Variants in LIPJ observed in about 807,000 individuals in gnomAD.
The protein encoded by LIPJ is lipase member J.
LIPJ carries 33 observed loss-of-function variants against 39.8 expected under a neutral mutation model. The observed-to-expected ratio is 0.83, with a 90% CI of 0.63 to 1.11. LIPJ has a LOEUF of 1.11. Among genes scored for constraint, LIPJ ranks in the 50% least tolerant of loss-of-function variants. The pLI is 0.00. For missense variants in LIPJ, 422 were observed against 427.9 expected (o/e 0.99, Z 0.12); for synonymous variants, 128 against 139.2 (o/e 0.92, Z 0.57).
At chr10:88,593,274 C>T (rs1340119060) in intron 4 of LIPJ, 1 of 151,698 alleles carries the variant, frequency 6.6e-6, no homozygotes, top group Non-Finnish European at 1.5e-5. Flanking sequence ...AGACCAGGGC[C>T]TCTAGATATG....
intron 8 of LIPJ, among the ~76,000 whole-genome samples, chr10:88,601,611 G>T (rs1456989085): frequency 6.6e-6 from 1 of 152,134 alleles, no homozygotes; most frequent in Non-Finnish European, 1.5e-5. Flanking sequence ...TGGGATTAAT[G>T]AAAGGTTTGC....
In LIPJ at chr10:88,596,769, TA is replaced by T; in HGVS notation, c.577-17del. 6.3e-7 allele frequency: 1 copy of T among 1,587,312 alleles called. No homozygotes were observed. The highest frequency in any genetic ancestry group is 8.6e-7 in the Non-Finnish European group (1 of 1,163,876). On this transcript the variant is annotated intron_variant, in intron 7 of 10. Transcript: ENST00000371939. Reference sequence around the variant, plus strand: ...CTTATTGTGGTCATCCAAATGTGGATAAAATAAATTTATTTTACAGGCTTTT... The same window carrying T: ...CTTATTGTGGTCATCCAAATGTGGATAAATAAATTTATTTTACAGGCTTTT...
At chr10:88,589,355 A>C (rs1466354172) in intron 2 of LIPJ, among the ~76,000 whole-genome samples, 1 of 151,890 alleles carries the variant, frequency 6.6e-6, no homozygotes, top group East Asian at 1.9e-4. Flanking sequence ...GGAATATCTA[A>C]ATGTGATTCC....
At chr10:88,621,835 G>A in the LIPJ span, among the ~76,000 whole-genome samples, 1 of 152,154 alleles carries the variant, frequency 6.6e-6, no homozygotes, top group African/African-American at 2.4e-5. Context: ...GAGAGCAGAG[G>A]TAAACATGTA....
chr10:88,585,621 G>A (rs576912633), upstream of LIPJ: 1 of 152,006 alleles, frequency 6.6e-6, no homozygotes, highest in Non-Finnish European at 1.5e-5. Context: ...TTGAGTTCAA[G>A]CCATTAGGTT....
chr10:88,600,570 T>C (rs989250442), intron 8 of LIPJ, among the ~76,000 whole-genome samples: 7 of 152,250 alleles, frequency 4.6e-5, no homozygotes, highest in Non-Finnish European at 8.8e-5. Flanking sequence ...AAGCTTTTGC[T>C]AACTCTAATG....
chr10:88,583,467 C>A, upstream of LIPJ: 1 of 1,313,130 alleles, frequency 7.6e-7, no homozygotes, highest in Non-Finnish European at 9.7e-7. Flanking sequence ...GCCCCTCGCC[C>A]AGAAAAGCCT....
exon 6 of LIPJ, chr10:88,594,689 G>A: frequency 6.5e-7 from 1 of 1,534,826 alleles, no homozygotes; most frequent in South Asian, 1.3e-5. Flanking sequence ...GGCAAAATAT[G>A]ACCTTCCAGC....
At chr10:88,595,622 G>A (rs940817743) in intron 6 of LIPJ, among the ~76,000 whole-genome samples, 2 of 151,518 alleles carry the variant, frequency 1.3e-5, no homozygotes, top group African/African-American at 4.8e-5. Flanking sequence ...AAAAAAAAGT[G>A]AGTAATGAGT....
the LIPJ span, among the ~76,000 whole-genome samples, chr10:88,618,010 A>G: frequency 1.3e-5 from 2 of 152,216 alleles, no homozygotes; most frequent in Admixed American, 1.3e-4. Flanking sequence ...TTCAGTTGTC[A>G]CATATGAGAA....
At chr10:88,584,905 C>G (rs561117891), upstream of LIPJ, among the ~76,000 whole-genome samples, 1 of 152,206 alleles carries the variant, frequency 6.6e-6, no homozygotes, top group South Asian at 2.1e-4. Flanking sequence ...TGGAAGTGTA[C>G]TAGACAAATT....
chr10:88,596,417 G>A lies in LIPJ; in HGVS notation c.576+1G>A. Reference sequence around the variant, plus strand: ...ATACAAATGGAAGTCAATAGTCATGGTATGTTCTACCTTTATTTTATGTCA... The same window carrying A: ...ATACAAATGGAAGTCAATAGTCATGATATGTTCTACCTTTATTTTATGTCA... On this transcript the variant is annotated splice_donor_variant, in intron 7 of 10. Coordinates refer to ENST00000371939, the Ensembl canonical transcript of LIPJ. LOFTEE classifies it high-confidence loss of function. 1 of 1,519,238 alleles carries A rather than the reference G, an allele frequency of 6.6e-7. No individual in the cohort carries two copies. Among genetic ancestry groups the A allele is most frequent in the Non-Finnish European group, 8.8e-7 (1 of 1,135,446 alleles). 94.1% of individuals were successfully genotyped at this position (1,519,238 alleles called of 1,614,324 possible). A position where few individuals can be genotyped will look rare whatever the true frequency, so the allele number is the denominator to read the frequency against.
chr10:88,597,040 C>T, intron 8 of LIPJ, 104 bp downstream of exon 8: 1 of 637,776 alleles, frequency 1.6e-6, no homozygotes, highest in Non-Finnish European at 2.6e-6. Context: ...GTTTCATCCA[C>T]ATACACTAGT....
downstream of LIPJ, among the ~76,000 whole-genome samples, chr10:88,611,197 C>A (rs1203031187): frequency 3.3e-5 from 5 of 152,328 alleles, no homozygotes; most frequent in South Asian, 1.0e-3. Flanking sequence ...CAGGAAGCCC[C>A]ATTCCCAGGG....
chr10:88,587,120 C>A (rs1376402366), intron 1 of LIPJ, 146 bp from the exon 2 acceptor site: 1 of 151,864 alleles, frequency 6.6e-6, no homozygotes, highest in African/African-American at 2.4e-5. Context: ...GAAACTATCA[C>A]TAACAACCTC....
chr10:88,611,837 C>T (rs1851756169), downstream of LIPJ, among the ~76,000 whole-genome samples: 1 of 152,188 alleles, frequency 6.6e-6, no homozygotes, highest in Non-Finnish European at 1.5e-5. Context: ...GTTTGGAAAA[C>T]ATATTTGGGG....
intron 8 of LIPJ, among the ~76,000 whole-genome samples, chr10:88,599,349 C>T (rs1018196992): frequency 2.0e-5 from 3 of 151,964 alleles, no homozygotes; most frequent in South Asian, 2.1e-4. Flanking sequence ...CCATCCTGTA[C>T]ATTAAATCCT....
At chr10:88,619,973 A>T in the LIPJ span, among the ~76,000 whole-genome samples, 4 of 152,142 alleles carry the variant, frequency 2.6e-5, no homozygotes, top group African/African-American at 9.7e-5. Flanking sequence ...CAAGCAACAA[A>T]CTTGGAGAAA....
At position 88,597,248 on chromosome 10, in the gene LIPJ, C is replaced by T. The variant is rs528722249; in HGVS notation, c.723+312C>T. On this transcript the variant is annotated intron_variant, in intron 8 of 10. Coordinates refer to ENST00000371939, the Ensembl canonical transcript of LIPJ. The stretch of plus-strand genomic sequence containing the variant: ...CTGAGACTTCTAAGATTTAGGTCCT[C>T]TTCTATTCATTTGTTTCCTGTAACT... Among the ~76,000 whole-genome samples the T allele has an allele frequency of 2.0e-5, 3 of 151,846 alleles. No homozygotes were observed. In the South Asian group the frequency reaches 6.2e-4, roughly 32 times the overall value.
Sources: allele counts gnomAD v4.1 joint callset (sites outside exome capture counted in the v4.1 genomes callset), GRCh38; gene constraint gnomAD v4.1.1; transcripts MANE v1.5; gene names NCBI Gene and HGNC (gene_info 2026-07-23, HGNC 2026-07-21).